The following CDC42BPA variants were observed in gnomAD, a reference collection of about 807,000 sequenced individuals.
The protein encoded by CDC42BPA is CDC42 binding protein kinase alpha.
In CDC42BPA, 80 loss-of-function variants were observed where a neutral mutation model predicts 223.5. The observed-to-expected ratio is 0.36, with a 90% CI of 0.30 to 0.43. The LOEUF (loss-of-function observed/expected upper bound fraction) is 0.43. Among genes scored for constraint, CDC42BPA ranks in the 20% least tolerant of loss-of-function variants. The pLI, the probability that CDC42BPA is intolerant of heterozygous loss-of-function variation, is 1.00. For synonymous variants in CDC42BPA, 694 were observed against 718.6 expected, an observed-to-expected ratio of 0.97 and a Z score of 0.55; for missense variants, 1,743 against 2,099.9, an observed-to-expected ratio of 0.83 and a Z score of 3.32.
Position 227,256,948 on chromosome 1 carries a change from GACACACACACACAC to G in CDC42BPA, c.179-2807_179-2794del, listed in dbSNP as rs55961981. 3.6e-3 allele frequency among the ~76,000 whole-genome samples: 509 copies of G among 141,108 alleles called. 4 individuals are homozygous for G. The highest frequency in any genetic ancestry group is 0.013 in the African/African-American group (482 of 37,542). 92.6% of individuals were successfully genotyped at this position (141,108 alleles called of 152,430 possible). A position where few individuals can be genotyped will look rare whatever the true frequency, so the allele number is the denominator to read the frequency against. ...AAACAAAATGTGATATATATATACA[GACACACACACACAC>G]ACACACACACACACACACACACACA... On this transcript the variant is annotated intron_variant, in intron 1 of 36. Transcript: ENST00000366766.
chr1:227,309,798 ATTTCAAGGAC>A (rs1693205761), intron 1 of CDC42BPA, among the ~76,000 whole-genome samples: 4 of 152,194 alleles, frequency 2.6e-5, no homozygotes, highest in Admixed American at 1.3e-4. Flanking sequence ...TCTCTCAGTA[ATTTCAAGGAC>A]TTTAGGGGTT....
intron 34 of CDC42BPA, among the ~76,000 whole-genome samples, chr1:227,010,230 C>T (rs1181878300): frequency 4.6e-5 from 7 of 152,150 alleles, no homozygotes; most frequent in Non-Finnish European, 1.0e-4. Flanking sequence ...CAGAATACAG[C>T]ATGCTTTTTA....
intron 21 of CDC42BPA, among the ~76,000 whole-genome samples, chr1:227,065,097 A>AAAATAAAT (rs61601477): frequency 0.011 from 1,578 of 148,812 alleles, 19 homozygotes; most frequent in African/African-American, 0.028. Context: ...ACTCCATCTC[A>AAAATAAAT]AAATAAATAA....
intron 5 of CDC42BPA, among the ~76,000 whole-genome samples, chr1:227,162,675 A>G (rs1387293841): frequency 1.3e-5 from 2 of 152,062 alleles, no homozygotes; most frequent in African/African-American, 2.4e-5. Flanking sequence ...TACAAAAAAT[A>G]AAAATGAAAA....
chr1:227,291,408 GC>G (rs1689672320), intron 1 of CDC42BPA, among the ~76,000 whole-genome samples: 1 of 152,078 alleles, frequency 6.6e-6, no homozygotes, highest in Non-Finnish European at 1.5e-5. Context: ...AATTACCCAG[GC>G]ATGGTGGCAC....
chr1:227,217,720 CCT>C, intron 2 of CDC42BPA, among the ~76,000 whole-genome samples: 1 of 152,266 alleles, frequency 6.6e-6, no homozygotes, highest in South Asian at 2.1e-4. Context: ...CTACTCTCCC[CCT>C]GGTTCACTAT....
intron 35 of CDC42BPA, among the ~76,000 whole-genome samples, chr1:226,997,921 G>A (rs893937586): frequency 2.0e-5 from 3 of 152,124 alleles, no homozygotes; most frequent in Non-Finnish European, 2.9e-5. Flanking sequence ...TGTATATTCC[G>A]TGGATTTGGG....
intron 2 of CDC42BPA, among the ~76,000 whole-genome samples, chr1:227,216,584 T>C (rs1030276886): frequency 2.6e-5 from 4 of 152,214 alleles, no homozygotes; most frequent in East Asian, 1.9e-4. Context: ...AAAATCAAAC[T>C]GATCTTGCTT....
chr1:227,037,041 G>C (rs1012997956), intron 24 of CDC42BPA, among the ~76,000 whole-genome samples: 2 of 152,168 alleles, frequency 1.3e-5, no homozygotes, highest in African/African-American at 4.8e-5. Context: ...AGTCTGAGAA[G>C]ACCTCAAAAA....
intron 1 of CDC42BPA, among the ~76,000 whole-genome samples, chr1:227,288,291 C>T (rs1250627172): frequency 2.0e-5 from 3 of 152,166 alleles, no homozygotes; most frequent in Non-Finnish European, 4.4e-5. Flanking sequence ...GGGAGGATCA[C>T]TTGAGCCCAG....
At chr1:227,138,007 A>G (rs1658940123) in intron 10 of CDC42BPA, among the ~76,000 whole-genome samples, 1 of 150,906 alleles carries the variant, frequency 6.6e-6, no homozygotes, top group Admixed American at 6.7e-5. Flanking sequence ...ACACTTTGCT[A>G]TATGTGTATC....
At chr1:227,063,261 G>C (rs764454568) in intron 21 of CDC42BPA, among the ~76,000 whole-genome samples, 4 of 152,060 alleles carry the variant, frequency 2.6e-5, no homozygotes, top group Non-Finnish European at 5.9e-5. Context: ...CCAGCACCTT[G>C]TCTTAATGTG....
At chr1:227,109,030 A>G (rs1158063241) in intron 14 of CDC42BPA, among the ~76,000 whole-genome samples, 3 of 152,214 alleles carry the variant, frequency 2.0e-5, no homozygotes, top group Non-Finnish European at 4.4e-5. Context: ...AAGATAAAAA[A>G]GGTATGTCGC....
intron 5 of CDC42BPA, among the ~76,000 whole-genome samples, chr1:227,187,965 A>C (rs1319724214): frequency 6.6e-6 from 1 of 151,960 alleles, no homozygotes; most frequent in Non-Finnish European, 1.5e-5. Flanking sequence ...ACAAACAAAA[A>C]CTGAGGGGAT....
At chr1:227,308,407 G>A in intron 1 of CDC42BPA, among the ~76,000 whole-genome samples, 1 of 151,492 alleles carries the variant, frequency 6.6e-6, no homozygotes, top group Non-Finnish European at 1.5e-5. Context: ...CTCCTTGGGA[G>A]GCTGAGGCAG....
chr1:227,057,825 T>C lies in CDC42BPA; in HGVS notation c.2905-5840A>G, dbSNP rs530305815. ...CAGCTATTTCCCTCCAAAATTTTTT[T>C]CTTATTTCAAGATTCACAAAAAATG... On this transcript the variant is annotated intron_variant, in intron 21 of 36. Coordinates refer to ENST00000366766, the MANE Select transcript of CDC42BPA (RefSeq NM_001394014.1). Among the ~76,000 whole-genome samples the C allele has an allele frequency of 2.6e-5, 4 of 152,210 alleles. No individual in the cohort carries two copies. The South Asian group carries it at 6.2e-4, about 24-fold the overall frequency.
Position 227,074,021 on chromosome 1 carries a change from T to C in CDC42BPA, c.2587-9A>G, listed in dbSNP as rs368261494. The C allele has an allele frequency of 7.8e-5, 126 of 1,607,450 alleles. No individual in the cohort carries two copies. The highest frequency in any genetic ancestry group is 1.0e-4 in the Non-Finnish European group (121 of 1,178,306). ...ATTTTCCAGGGCATATCCTATGAAA[T>C]AATGACTGTGTTTTTAGTTCCATCC... On this transcript the variant is annotated splice_polypyrimidine_tract_variant and intron_variant, in intron 18 of 36. Transcript: ENST00000366766.
At chr1:227,273,325 C>T (rs1047910916) in intron 1 of CDC42BPA, among the ~76,000 whole-genome samples, 1 of 151,420 alleles carries the variant, frequency 6.6e-6, no homozygotes, top group Non-Finnish European at 1.5e-5. Context: ...TGGTGGCTCA[C>T]GCCTCCAAGG....
chr1:227,224,235 CTTT>C (rs113833866), intron 2 of CDC42BPA, among the ~76,000 whole-genome samples: 57 of 141,848 alleles, frequency 4.0e-4, no homozygotes, highest in Admixed American at 4.9e-4. Flanking sequence ...ATGTTTCTTC[CTTT>C]TTTTTTTTTT....
Sources: allele counts gnomAD v4.1 joint callset (sites outside exome capture counted in the v4.1 genomes callset), GRCh38; gene constraint gnomAD v4.1.1; transcripts MANE v1.5; gene names NCBI Gene and HGNC (gene_info 2026-07-23, HGNC 2026-07-21).